SPMIP2: variants seen among roughly 807,000 people sequenced by gnomAD.
SPMIP2 encodes sperm microtubule inner protein 2.
At chr4:159,053,425 G>T in the SPMIP2 span, among the ~76,000 whole-genome samples, 12 of 152,154 alleles carry the variant, frequency 7.9e-5, no homozygotes, top group Admixed American at 2.0e-4. Context: ...CCTAGGTTGA[G>T]TTACACCTAG....
chr4:158,946,676 T>C, the SPMIP2 span, among the ~76,000 whole-genome samples: 1 of 152,224 alleles, frequency 6.6e-6, no homozygotes, highest in Non-Finnish European at 1.5e-5. Flanking sequence ...GGTCATTCTT[T>C]ATAGCCATGT....
the SPMIP2 span, among the ~76,000 whole-genome samples, chr4:159,023,789 C>A: frequency 6.6e-6 from 1 of 152,186 alleles, no homozygotes; most frequent in Non-Finnish European, 1.5e-5. Context: ...AACTTAGAAG[C>A]TGCTGTACTT....
At chr4:158,962,040 A>T in the SPMIP2 span, among the ~76,000 whole-genome samples, 1 of 152,114 alleles carries the variant, frequency 6.6e-6, no homozygotes, top group South Asian at 2.1e-4. Context: ...AATAATTACA[A>T]CTCCAATTTG....
chr4:158,973,555 C>T, the SPMIP2 span, among the ~76,000 whole-genome samples: 3 of 151,880 alleles, frequency 2.0e-5, no homozygotes, highest in East Asian at 1.9e-4. Context: ...GAATTTTTTT[C>T]CCCAGTTTAT....
chr4:158,979,237 A>G, the SPMIP2 span, among the ~76,000 whole-genome samples: 7 of 152,128 alleles, frequency 4.6e-5, no homozygotes, highest in African/African-American at 1.7e-4. Flanking sequence ...TCGGTTTCAG[A>G]CTGCAGTGCT....
chr4:159,026,412 G>A, the SPMIP2 span: 1 of 980,128 alleles, frequency 1.0e-6, no homozygotes, highest in Non-Finnish European at 1.6e-6. Context: ...TTCAGCATCA[G>A]GAGTGGGATG....
the SPMIP2 span, among the ~76,000 whole-genome samples, chr4:159,031,316 C>T: frequency 6.6e-6 from 1 of 152,260 alleles, no homozygotes; most frequent in African/African-American, 2.4e-5. Flanking sequence ...ATAATCAAGC[C>T]TCTAGAGCCA....
the SPMIP2 span, among the ~76,000 whole-genome samples, chr4:159,081,154 C>T: frequency 2.0e-5 from 3 of 151,688 alleles, no homozygotes; most frequent in Admixed American, 2.0e-4. Flanking sequence ...TCTCCTGTCT[C>T]AGCCTCCCAA....
chr4:158,901,443 C>T, the SPMIP2 span, among the ~76,000 whole-genome samples: 4 of 152,132 alleles, frequency 2.6e-5, no homozygotes, highest in Admixed American at 1.3e-4. Flanking sequence ...TTTCAACCTC[C>T]GTGAATCTGA....
chr4:158,907,886 T>G, the SPMIP2 span: 2 of 152,210 alleles, frequency 1.3e-5, no homozygotes, highest in Non-Finnish European at 2.9e-5. Flanking sequence ...TTCTGGAATT[T>G]GTCATTTGAA....
the SPMIP2 span, among the ~76,000 whole-genome samples, chr4:159,058,217 C>T: frequency 3.4e-4 from 48 of 143,012 alleles, 1 homozygote; most frequent in South Asian, 0.01. Flanking sequence ...ATTCTTGTTA[C>T]GGTTGTTTTG....
At chr4:159,066,571 G>T in the SPMIP2 span, among the ~76,000 whole-genome samples, 13 of 141,094 alleles carry the variant, frequency 9.2e-5, no homozygotes, top group African/African-American at 3.4e-4. Context: ...TGTATGGGAT[G>T]ACATACGTGT....
At chr4:158,967,690 C>A in the SPMIP2 span, among the ~76,000 whole-genome samples, 2 of 152,104 alleles carry the variant, frequency 1.3e-5, no homozygotes, top group Non-Finnish European at 1.5e-5. Flanking sequence ...TCTAGATGAA[C>A]CCCAAGGTAA....
At chr4:159,066,125 C>T in the SPMIP2 span, among the ~76,000 whole-genome samples, 1 of 152,074 alleles carries the variant, frequency 6.6e-6, no homozygotes, top group South Asian at 2.1e-4. Context: ...ATGTTGCAGT[C>T]CTCCAAGATT....
At chr4:158,975,223 A>G in the SPMIP2 span, among the ~76,000 whole-genome samples, 2 of 151,852 alleles carry the variant, frequency 1.3e-5, no homozygotes, top group African/African-American at 4.8e-5. Flanking sequence ...ATAGATTGCA[A>G]AAATTTTCTC....
the SPMIP2 span, among the ~76,000 whole-genome samples, chr4:159,005,557 C>T: frequency 3.9e-5 from 6 of 152,146 alleles, no homozygotes; most frequent in African/African-American, 7.2e-5. Context: ...CTGTACTTTC[C>T]GATGGAGCAG....
At chr4:159,006,403 A>G in the SPMIP2 span, among the ~76,000 whole-genome samples, 1 of 152,196 alleles carries the variant, frequency 6.6e-6, no homozygotes, top group Non-Finnish European at 1.5e-5. Flanking sequence ...AAAATGTACC[A>G]CACCCTGCCA....
chr4:159,004,287 C>CTTTT, the SPMIP2 span, among the ~76,000 whole-genome samples: 2 of 23,602 alleles, frequency 8.5e-5, no homozygotes, highest in Non-Finnish European at 1.7e-4. Flanking sequence ...CTACTCTGTG[C>CTTTT]TCTTTTTTTT....
At chr4:158,973,217 G>A in the SPMIP2 span, 2 of 1,613,720 alleles carry the variant, frequency 1.2e-6, no homozygotes, top group Non-Finnish European at 1.7e-6. Context: ...ATAAATATCT[G>A]AGATCTCCAG....
Sources: allele counts gnomAD v4.1 joint callset (sites outside exome capture counted in the v4.1 genomes callset), GRCh38; gene constraint gnomAD v4.1.1; transcripts MANE v1.5; gene names NCBI Gene and HGNC (gene_info 2026-07-23, HGNC 2026-07-21).